Variants in PDLIM5 observed in about 807,000 individuals in gnomAD.
PDLIM5 encodes PDZ and LIM domain 5, also known as PDZ and LIM domain protein 5.
PDLIM5 carries 34 observed loss-of-function variants against 64.2 expected under a neutral mutation model. The ratio of observed to expected loss-of-function variants is 0.53; its 90% confidence interval spans 0.40 to 0.71. PDLIM5 has a LOEUF of 0.71. Among genes scored for constraint, PDLIM5 ranks in the 30% least tolerant of loss-of-function variants. PDLIM5 has a pLI of 0.00. For synonymous variants in PDLIM5, 253 were observed against 269.1 expected, an observed-to-expected ratio of 0.94 and a Z score of 0.59; for missense variants, 683 against 733.6, an observed-to-expected ratio of 0.93 and a Z score of 0.80.
chr4:94,660,113 G>A (rs1179357478), intron 11 of PDLIM5, among the ~76,000 whole-genome samples: 5 of 151,732 alleles, frequency 3.3e-5, no homozygotes, highest in East Asian at 2.0e-4. Flanking sequence ...GGCCAGGGTA[G>A]TGTAGAACTC....
intron 7 of PDLIM5, among the ~76,000 whole-genome samples, chr4:94,613,540 A>G (rs1175609626): frequency 6.6e-6 from 1 of 152,146 alleles, no homozygotes; most frequent in Non-Finnish European, 1.5e-5. Context: ...CTATTAGTGT[A>G]CTTGTCTCTA....
chr4:94,518,830 A>C (rs1729582491), intron 2 of PDLIM5, among the ~76,000 whole-genome samples: 1 of 152,056 alleles, frequency 6.6e-6, no homozygotes. Flanking sequence ...TTGTTTCCTC[A>C]TGGTCTTGGT....
At chr4:94,605,570 A>C (rs536513771) in intron 7 of PDLIM5, among the ~76,000 whole-genome samples, 30 of 152,326 alleles carry the variant, frequency 2.0e-4, no homozygotes, top group Admixed American at 4.6e-4. Flanking sequence ...AACACTGGGG[A>C]ATGTCAGAAT....
At chr4:94,634,459 ATC>A (rs1740397739) in intron 8 of PDLIM5, among the ~76,000 whole-genome samples, 1 of 152,192 alleles carries the variant, frequency 6.6e-6, no homozygotes, top group Admixed American at 6.5e-5. Context: ...CACTAGCAAC[ATC>A]TGTTACTGTT....
chr4:94,653,532 A>C (rs1232835250), intron 9 of PDLIM5, among the ~76,000 whole-genome samples: 1 of 147,708 alleles, frequency 6.8e-6, no homozygotes, highest in Non-Finnish European at 1.5e-5. Context: ...CATGACCATA[A>C]AGTATTTAAT....
chr4:94,607,055 T>C (rs990567957), intron 7 of PDLIM5, among the ~76,000 whole-genome samples: 1 of 152,224 alleles, frequency 6.6e-6, no homozygotes, highest in African/African-American at 2.4e-5. Context: ...GTTCTTATAT[T>C]TCTTAGTCTC....
chr4:94,494,900 C>T (rs753466040), intron 2 of PDLIM5, among the ~76,000 whole-genome samples: 92 of 152,166 alleles, frequency 6.0e-4, no homozygotes, highest in African/African-American at 1.8e-3. Context: ...AGGTGCACGT[C>T]GCCACGCCCG....
At position 94,491,890 on chromosome 4, in the gene PDLIM5, C is replaced by CT. The variant is rs201915377; in HGVS notation, c.97-31826dup. On this transcript the variant is annotated intron_variant, in intron 2 of 12. Transcript: ENST00000317968. ...ATATCCCTCTACCTCAATTACTTAT[C>CT]TTTTTTTTGTGGTGAAACATTTGAA... Among the ~76,000 whole-genome samples, 41 of 151,738 alleles carry CT rather than the reference C, an allele frequency of 2.7e-4. 2 individuals are homozygous for CT. Among genetic ancestry groups the CT allele is most frequent in the Admixed American group, 9.2e-4 (14 of 15,258 alleles).
chr4:94,456,206 A>T (rs34813965), intron 2 of PDLIM5: 5,633 of 451,066 alleles, frequency 0.012, 203 homozygotes, highest in African/African-American at 0.088. Flanking sequence ...TTATACACAC[A>T]GTTTTTTTTG....
chr4:94,595,552 T>G (rs1737006115), intron 7 of PDLIM5, among the ~76,000 whole-genome samples: 1 of 152,256 alleles, frequency 6.6e-6, no homozygotes, highest in Admixed American at 6.5e-5. Context: ...CCTATTACCT[T>G]TGTACATTCA....
At chr4:94,486,356 G>T (rs922099740) in intron 2 of PDLIM5, among the ~76,000 whole-genome samples, 8 of 152,184 alleles carry the variant, frequency 5.3e-5, no homozygotes, top group African/African-American at 1.9e-4. Context: ...AAGATCTTTT[G>T]TGAGTAGGAT....
In PDLIM5 at chr4:94,501,332, C is replaced by T. The variant is rs369551428; in HGVS notation, c.97-22392C>T. ...CTCCTGAGCTCAAAAAGTCTATCCA[C>T]TTGGGTCCCCCAAAGTGCTGGTATC... On this transcript the variant is annotated intron_variant, in intron 2 of 12. Transcript: ENST00000317968. Among the ~76,000 whole-genome samples the T allele has an allele frequency of 2.6e-5, 4 of 152,320 alleles. No individual in the cohort carries two copies. In the East Asian group the frequency reaches 5.8e-4, roughly 22 times the overall value.
intron 3 of PDLIM5, among the ~76,000 whole-genome samples, chr4:94,553,672 A>T (rs1733012404): frequency 6.6e-6 from 1 of 151,880 alleles, no homozygotes; most frequent in Non-Finnish European, 1.5e-5. Context: ...CCACTGCCCC[A>T]CTCACTGTGT....
intron 7 of PDLIM5, among the ~76,000 whole-genome samples, chr4:94,613,586 G>A (rs1483819641): frequency 1.3e-5 from 2 of 151,944 alleles, no homozygotes; most frequent in African/African-American, 4.8e-5. Context: ...AAAAACCTTG[G>A]TATTCTTAAG....
intron 8 of PDLIM5, among the ~76,000 whole-genome samples, chr4:94,620,408 G>T (rs1739126656): frequency 6.6e-6 from 1 of 152,038 alleles, no homozygotes; most frequent in African/African-American, 2.4e-5. Flanking sequence ...GGTGGCACAT[G>T]AGCCTGTAGT....
At chr4:94,526,148 C>T (rs536849596) in intron 3 of PDLIM5, among the ~76,000 whole-genome samples, 2 of 152,250 alleles carry the variant, frequency 1.3e-5, no homozygotes, top group East Asian at 1.9e-4. Flanking sequence ...TTCTTTCATA[C>T]CAGCCTGCTT....
intron 3 of PDLIM5, among the ~76,000 whole-genome samples, chr4:94,556,367 G>C (rs1187043684): frequency 7.9e-5 from 12 of 152,006 alleles, no homozygotes; most frequent in Non-Finnish European, 1.3e-4. Flanking sequence ...AATAAACATA[G>C]GTGTGCATGT....
At chr4:94,553,460 C>A (rs1411070489) in intron 3 of PDLIM5, among the ~76,000 whole-genome samples, 1 of 152,202 alleles carries the variant, frequency 6.6e-6, no homozygotes, top group African/African-American at 2.4e-5. Context: ...GATAGTACTT[C>A]TCTTGCCATC....
At chr4:94,518,862 C>G (rs530562756) in intron 2 of PDLIM5, among the ~76,000 whole-genome samples, 2 of 152,070 alleles carry the variant, frequency 1.3e-5, no homozygotes, top group East Asian at 1.9e-4. Flanking sequence ...CCTTCTATAC[C>G]GGTACTCTTC....
Sources: gnomAD v4.1 joint callset for allele counts (sites outside exome capture counted in the v4.1 genomes callset) on GRCh38, gnomAD v4.1.1 for gene constraint, MANE v1.5 for transcripts, NCBI Gene and HGNC (gene_info 2026-07-23, HGNC 2026-07-21) for gene names.